MTERF4: variants seen among roughly 807,000 people sequenced by gnomAD.
MTERF4 encodes mitochondrial transcription termination factor 4.
In MTERF4, 17 loss-of-function variants were observed where a neutral mutation model predicts 22.5. The observed-to-expected ratio is 0.75, with a 90% confidence interval of 0.52 to 1.13. MTERF4 has a LOEUF of 1.13. Ranked by LOEUF, MTERF4 falls within the 50% of genes most tolerant of loss-of-function variation. The pLI, the probability that MTERF4 is intolerant of heterozygous loss-of-function variation, is 0.00. For missense variants in MTERF4, 420 were observed against 466.8 expected, an observed-to-expected ratio of 0.90 and a Z score of 0.92; for synonymous variants, 165 against 175.3, an observed-to-expected ratio of 0.94 and a Z score of 0.47.
At chr2:241,056,682 G>T in the MTERF4 span, among the ~76,000 whole-genome samples, 1 of 143,180 alleles carries the variant, frequency 7.0e-6, no homozygotes, top group African/African-American at 2.6e-5. Flanking sequence ...CTGGGTTCAC[G>T]CCATTCTCCT....
downstream of MTERF4, among the ~76,000 whole-genome samples, chr2:241,086,930 G>A (rs1471409225): frequency 6.6e-6 from 1 of 152,240 alleles, no homozygotes; most frequent in East Asian, 1.9e-4. Context: ...ATAAATGGAA[G>A]AGGCAGGAGA....
downstream of MTERF4, among the ~76,000 whole-genome samples, chr2:241,067,539 CTCTGCAGCCGTCATGCTCACAGCGGGT>C (rs1439424219): frequency 6.6e-6 from 1 of 152,202 alleles, no homozygotes; most frequent in Admixed American, 6.5e-5. Context: ...CCACAGCGGG[CTCTGCAGCCGTCATGCTCACAGCGGGT>C]TCTGCAGCTG....
chr2:241,096,754 G>C lies in MTERF4; in HGVS notation c.706-316C>G, dbSNP rs745863936. 2.0e-5 allele frequency: 11 copies of C among 552,670 alleles called. 1 individual carries two copies. In the Middle Eastern group the frequency reaches 8.3e-4, roughly 42 times the overall value. The allele number at this position is 552,670 out of a possible 1,614,324, so 34.2% of individuals were successfully genotyped here. A position where few individuals can be genotyped will look rare whatever the true frequency, so the allele number is the denominator to read the frequency against. ...GAAAAGGATGAATATGGAAAGAATA[G>C]GCAAAACATTCAGAAAACATCTAGA... On this transcript the variant is annotated intron_variant, in intron 3 of 3. Transcript: ENST00000391980. This position sits in a 1 kb window ranked among gnomAD's most constrained non-coding sequence, Gnocchi z 5.1.
At chr2:241,069,856 C>T (rs1400330984), downstream of MTERF4, 8 of 1,559,974 alleles carry the variant, frequency 5.1e-6, no homozygotes, top group Non-Finnish European at 6.9e-6. This position sits in a 1 kb window ranked among gnomAD's most constrained non-coding sequence, Gnocchi z 4.9. Context: ...GGTTCTCAAA[C>T]CGTGTTCTTG....
chr2:241,052,436 A>G, the MTERF4 span: 92 of 1,609,224 alleles, frequency 5.7e-5, 1 homozygote, highest in Admixed American at 1.5e-3. Flanking sequence ...TGCCACTGCC[A>G]AGCAGGGTAC....
At chr2:241,101,752 T>C (rs2064718481) in intron 1 of MTERF4, among the ~76,000 whole-genome samples, 1 of 152,222 alleles carries the variant, frequency 6.6e-6, no homozygotes, top group South Asian at 2.1e-4. Context: ...GTTCAAACTC[T>C]TGTTCAACAG....
downstream of MTERF4, chr2:241,088,730 G>C: frequency 2.8e-6 from 1 of 355,292 alleles, no homozygotes; most frequent in Non-Finnish European, 5.1e-6. Flanking sequence ...AGAGGCAGGG[G>C]GGTGGGCCCT....
chr2:241,043,735 GTAAA>G, the MTERF4 span, among the ~76,000 whole-genome samples: 9 of 152,326 alleles, frequency 5.9e-5, no homozygotes, highest in Admixed American at 5.9e-4. Context: ...GGGCCAGAAA[GTAAA>G]TACTTTTGGC....
chr2:241,067,787 G>T, downstream of MTERF4: 1 of 1,610,798 alleles, frequency 6.2e-7, no homozygotes, highest in Non-Finnish European at 8.5e-7. Flanking sequence ...GGAAGGCTTC[G>T]AGGTCACCAA....
chr2:241,066,843 T>C, the MTERF4 span, among the ~76,000 whole-genome samples: 12 of 152,150 alleles, frequency 7.9e-5, no homozygotes, highest in Non-Finnish European at 1.5e-4. Flanking sequence ...GGAGAAGGCA[T>C]TCAAGGCAGC....
downstream of MTERF4, chr2:241,070,248 C>G (rs1359275195): frequency 1.9e-6 from 3 of 1,544,214 alleles, no homozygotes; most frequent in Non-Finnish European, 2.6e-6. Flanking sequence ...TGTTTGCCAG[C>G]CCTCCACCCT....
At position 241,099,842 on chromosome 2, in the gene MTERF4, T is replaced by C. The variant is rs753490758; in HGVS notation, c.74A>G (p.Gln25Arg). 4 of 1,613,856 alleles carry C rather than the reference T, an allele frequency of 2.5e-6. No homozygotes were observed. Among genetic ancestry groups the C allele is most frequent in the South Asian group, 2.2e-5 (2 of 91,084 alleles). ...TCTCTGTTCTCCAAGATGAGGAGTC[T>C]GCCTAGCCATACAGGCCCAGGTGAG... Reference protein sequence around the residue: ...IPLTWACMARQTPHLGEQRRT... With the variant: ...IPLTWACMARRTPHLGEQRRT... The change falls in exon 2 of 4, where the codon CAG becomes CGG. Residue 25 changes from glutamine to arginine, a missense_variant. Physicochemically the swap from Gln to Arg is conservative, Grantham distance 43. Coordinates refer to ENST00000391980, the MANE Select transcript of MTERF4 (RefSeq NM_182501.4).
intron 2 of MTERF4, among the ~76,000 whole-genome samples, chr2:241,098,841 C>T (rs1274859820): frequency 6.6e-6 from 1 of 152,188 alleles, no homozygotes; most frequent in Non-Finnish European, 1.5e-5. Flanking sequence ...CTGAAGATCC[C>T]ACGGTGAACA....
chr2:241,077,078 CAA>C (rs377757851), intron 4 of MTERF4, among the ~76,000 whole-genome samples: 16 of 114,490 alleles, frequency 1.4e-4, no homozygotes, highest in Admixed American at 2.8e-4. Context: ...GACTCCGTCT[CAA>C]AAAAAAAAAA....
chr2:241,099,426 T>C lies in MTERF4; in HGVS notation c.490A>G (p.Ser164Gly), dbSNP rs1284261635. The C allele has an allele frequency of 1.9e-6, 3 of 1,614,006 alleles. No homozygotes were observed. Among genetic ancestry groups the C allele is most frequent in the Non-Finnish European group, 2.5e-6 (3 of 1,179,950 alleles). The stretch of plus-strand genomic sequence containing the variant: ...CCAAGCCCAAGCTTTTGCAGGTAAC[T>C]GGAGCGCTTCCTCATTTGCATAATA... ...LPIMQMRKRS[S>G]YLQKLGLGEG... The change falls in exon 2 of 4, where the codon AGT becomes GGT. Residue 164 changes from serine (S) to glycine (G), a missense_variant. Ser to Gly is a moderately conservative substitution (Grantham distance 56). Coordinates refer to ENST00000391980, the MANE Select transcript of MTERF4 (RefSeq NM_182501.4).
downstream of MTERF4, chr2:241,089,873 G>A (rs998938124): frequency 8.1e-6 from 12 of 1,481,750 alleles, no homozygotes; most frequent in Middle Eastern, 1.8e-4. Context: ...ACACCACAGC[G>A]TGTTACTGAA....
the MTERF4 span, among the ~76,000 whole-genome samples, chr2:241,049,592 A>C: frequency 1.3e-5 from 2 of 152,204 alleles, no homozygotes; most frequent in African/African-American, 4.8e-5. Flanking sequence ...GCCTCGTAGA[A>C]GACGGAAGGG....
chr2:241,092,072 GAACTGTGA>G (rs1291961126), downstream of MTERF4: 4 of 152,418 alleles, frequency 2.6e-5, no homozygotes, highest in East Asian at 7.7e-4. This position sits in a 1 kb window ranked among gnomAD's most constrained non-coding sequence, Gnocchi z 4.6. Context: ...AATTGAGAAG[GAACTGTGA>G]TGGACCACTT....
In MTERF4 at chr2:241,075,125, G is replaced by A. The variant is rs2062959314; in HGVS notation, n.1037C>T. The stretch of plus-strand genomic sequence containing the variant: ...CCTACTATTGAGCACAGAGTCCACT[G>A]AGTGAACTGACCGGCTCTTCTCCCC... On this transcript the variant is annotated non_coding_transcript_exon_variant, in exon 5 of 5. Transcript: ENST00000464344. The surrounding 1 kb of genome is among the most constrained non-coding windows in gnomAD (Gnocchi z 4.8). 1 of 152,248 alleles carries A rather than the reference G, an allele frequency of 6.6e-6. No individual in the cohort carries two copies. The highest frequency in any genetic ancestry group is 2.4e-5 in the African/African-American group (1 of 41,456). 9.4% of individuals were successfully genotyped at this position (152,248 alleles called of 1,614,324 possible). A position where few individuals can be genotyped will look rare whatever the true frequency, so the allele number is the denominator to read the frequency against.
Sources: gnomAD v4.1 joint callset for allele counts (sites outside exome capture counted in the v4.1 genomes callset) on GRCh38, gnomAD v4.1.1 for gene constraint, Gnocchi (gnomAD v3.1) non-coding constraint, MANE v1.5 for transcripts, NCBI Gene and HGNC (gene_info 2026-07-23, HGNC 2026-07-21) for gene names.